PARD3B: variants seen among roughly 807,000 people sequenced by gnomAD.
PARD3B encodes par-3 family cell polarity regulator beta, also known as partitioning defective 3 homolog B.
In PARD3B, 103 loss-of-function variants were observed where a neutral mutation model predicts 130.2. That is an observed-to-expected ratio of 0.79 (90% CI 0.67 to 0.93). The LOEUF (loss-of-function observed/expected upper bound fraction) is 0.93, where lower values mean the gene tolerates loss of function less well. Ranked by LOEUF, PARD3B falls within the 40% of genes least tolerant of loss-of-function variation. PARD3B has a pLI of 0.00. For synonymous variants in PARD3B, 583 were observed against 553.2 expected, an observed-to-expected ratio of 1.05 and a Z score of -0.76; for missense variants, 1,609 against 1,499.2, an observed-to-expected ratio of 1.07 and a Z score of -1.21.
chr2:204,964,055 A>G (rs1450017168), intron 2 of PARD3B, among the ~76,000 whole-genome samples: 1 of 152,248 alleles, frequency 6.6e-6, no homozygotes, highest in Non-Finnish European at 1.5e-5. Context: ...GGGTTCCCCT[A>G]TGACTGGGGC....
chr2:205,063,856 G>C (rs1700201006), intron 4 of PARD3B, among the ~76,000 whole-genome samples: 1 of 152,044 alleles, frequency 6.6e-6, no homozygotes, highest in Non-Finnish European at 1.5e-5. Context: ...AAAGCATGTA[G>C]GTATTCTACC....
chr2:204,882,100 A>G (rs2046076669), intron 2 of PARD3B, among the ~76,000 whole-genome samples: 1 of 152,206 alleles, frequency 6.6e-6, no homozygotes, highest in Non-Finnish European at 1.5e-5. Context: ...GAACTGGAGC[A>G]CAAAGCTATA....
intron 4 of PARD3B, among the ~76,000 whole-genome samples, chr2:205,068,687 C>T (rs1652877561): frequency 6.6e-6 from 1 of 152,072 alleles, no homozygotes; most frequent in Non-Finnish European, 1.5e-5. Flanking sequence ...AATCAAAGTA[C>T]AGCTACTACT....
rs537023988 is a variant in PARD3B, at chr2:205,589,919, C to T, written c.3261-25537C>T. 3.9e-5 allele frequency among the ~76,000 whole-genome samples: 6 copies of T among 152,064 alleles called. No individual in the cohort carries two copies. The highest frequency in any genetic ancestry group is 2.0e-4 in the Admixed American group (3 of 15,274). On this transcript the variant is annotated intron_variant, in intron 22 of 22. Coordinates refer to ENST00000406610, the MANE Select transcript of PARD3B (RefSeq NM_001302769.2). The surrounding 1 kb of genome is among the most constrained non-coding windows in gnomAD (Gnocchi z 4.1). ...GAGTTCTTCTAGGTCTTTTGCTTTT[C>T]ATTTTCTCTACCCTGGAAATGTTGA...
intron 21 of PARD3B, among the ~76,000 whole-genome samples, chr2:205,502,750 A>G (rs2050202830): frequency 6.6e-6 from 1 of 152,220 alleles, no homozygotes. Flanking sequence ...TTCAAAGCCA[A>G]AATAATGAGA....
intron 1 of PARD3B, among the ~76,000 whole-genome samples, chr2:204,551,567 C>T (rs1185420274): frequency 2.6e-5 from 4 of 152,118 alleles, no homozygotes; most frequent in Admixed American, 2.0e-4. Context: ...CTTTCTCTCC[C>T]TCTCACACAC....
chr2:204,921,061 A>T (rs575377532), intron 2 of PARD3B, among the ~76,000 whole-genome samples: 2 of 152,322 alleles, frequency 1.3e-5, no homozygotes, highest in East Asian at 3.9e-4. Context: ...GGTCAGGCAG[A>T]TGTGCAATAG....
intron 1 of PARD3B, among the ~76,000 whole-genome samples, chr2:204,609,481 A>G (rs1378685575): frequency 1.3e-5 from 2 of 152,212 alleles, no homozygotes; most frequent in Non-Finnish European, 2.9e-5. Flanking sequence ...AAGTAAAATA[A>G]TAAATTAATA....
intron 2 of PARD3B, among the ~76,000 whole-genome samples, chr2:204,840,533 C>CTTT (rs200558739): frequency 0.021 from 3,036 of 146,688 alleles, 76 homozygotes; most frequent in East Asian, 0.15. Context: ...TGAATTTGTC[C>CTTT]TTTTTTTTTT....
In PARD3B at chr2:204,935,369, A is replaced by G. The variant is rs999947628; in HGVS notation, c.223-29783A>G. 2.4e-5 allele frequency among the ~76,000 whole-genome samples: 3 copies of G among 123,500 alleles called. No homozygotes were observed. The South Asian group carries it at 7.2e-4, about 30-fold the overall frequency. The allele number at this position is 123,500 out of a possible 152,430, so 81.0% of individuals were successfully genotyped here. A position where few individuals can be genotyped will look rare whatever the true frequency, so the allele number is the denominator to read the frequency against. Reference sequence around the variant, plus strand: ...ACGGTGAAACCCTGTCTCTACTAAAAATACAAAAAAAAAAAAAAAATTAGC... The same window carrying G: ...ACGGTGAAACCCTGTCTCTACTAAAGATACAAAAAAAAAAAAAAAATTAGC... On this transcript the variant is annotated intron_variant, in intron 2 of 22. Coordinates refer to ENST00000406610, the MANE Select transcript of PARD3B (RefSeq NM_001302769.2).
Position 204,610,340 on chromosome 2 carries a change from C to T in PARD3B, c.120+64221C>T, listed in dbSNP as rs139720808. On this transcript the variant is annotated intron_variant, in intron 1 of 22. Transcript: ENST00000406610. The surrounding 1 kb of genome is among the most constrained non-coding windows in gnomAD (Gnocchi z 4.1). Reference sequence around the variant, plus strand: ...TACAATGATTTGTTAAGTAGTCTATCGGCATTATTCTGACTTATTGTTCCC... The same window carrying T: ...TACAATGATTTGTTAAGTAGTCTATTGGCATTATTCTGACTTATTGTTCCC... 1.2e-4 allele frequency among the ~76,000 whole-genome samples: 19 copies of T among 152,266 alleles called. No individual in the cohort carries two copies. The highest frequency in any genetic ancestry group is 3.6e-4 in the African/African-American group (15 of 41,558).
chr2:205,567,749 C>T (rs963489474), intron 22 of PARD3B, among the ~76,000 whole-genome samples: 8 of 151,710 alleles, frequency 5.3e-5, no homozygotes, highest in Non-Finnish European at 7.4e-5. Context: ...TCCCCACCCC[C>T]GAGAAGAAGA....
intron 2 of PARD3B, among the ~76,000 whole-genome samples, chr2:204,731,910 T>A (rs1029730533): frequency 6.6e-6 from 1 of 152,070 alleles, no homozygotes; most frequent in Non-Finnish European, 1.5e-5. Context: ...TTACCTGAAC[T>A]CTCTAACACC....
intron 1 of PARD3B, among the ~76,000 whole-genome samples, chr2:204,608,976 G>T (rs1442728407): frequency 6.6e-6 from 1 of 152,110 alleles, no homozygotes; most frequent in Non-Finnish European, 1.5e-5. Context: ...TATAATTATG[G>T]CTATTCAGGT....
intron 15 of PARD3B, among the ~76,000 whole-genome samples, chr2:205,217,894 A>T (rs1029316735): frequency 0.28 from 8,766 of 30,806 alleles, 1,576 homozygotes; most frequent in East Asian, 0.55. Flanking sequence ...ATATATATAT[A>T]TTTTTTTTTT....
chr2:205,167,665 C>G (rs928614519), intron 11 of PARD3B, among the ~76,000 whole-genome samples: 37 of 152,174 alleles, frequency 2.4e-4, no homozygotes, highest in African/African-American at 8.4e-4. Flanking sequence ...AGTAGAAACT[C>G]TTTGTCATTA....
Position 205,146,066 on chromosome 2 carries a change from C to T in PARD3B, c.1435-12656C>T, listed in dbSNP as rs1458075822. On this transcript the variant is annotated intron_variant, in intron 10 of 22. Coordinates refer to ENST00000406610, the MANE Select transcript of PARD3B (RefSeq NM_001302769.2). This position sits in a 1 kb window ranked among gnomAD's most constrained non-coding sequence, Gnocchi z 4.3. ...GATTGACTGTCCATAGCGAAGGGCA[C>T]CTGCACATCAGTCGGTGCCACCCTT... 1.3e-5 allele frequency among the ~76,000 whole-genome samples: 2 copies of T among 152,290 alleles called. No homozygotes were observed. The highest frequency in any genetic ancestry group is 1.9e-4 in the East Asian group (1 of 5,162).
chr2:205,384,019 A>G (rs1289953889), intron 18 of PARD3B, among the ~76,000 whole-genome samples: 1 of 151,940 alleles, frequency 6.6e-6, no homozygotes, highest in Non-Finnish European at 1.5e-5. Context: ...ACTGACTTGA[A>G]ACTATGTTTT....
chr2:205,444,387 A>G (rs1022397721), intron 20 of PARD3B, among the ~76,000 whole-genome samples: 1 of 152,134 alleles, frequency 6.6e-6, no homozygotes, highest in African/African-American at 2.4e-5. Flanking sequence ...CCAGGAGTCC[A>G]AGGCTGTAGT....
Sources: gnomAD v4.1 joint callset for allele counts (sites outside exome capture counted in the v4.1 genomes callset) on GRCh38, gnomAD v4.1.1 for gene constraint, Gnocchi (gnomAD v3.1) non-coding constraint, MANE v1.5 for transcripts, NCBI Gene and HGNC (gene_info 2026-07-23, HGNC 2026-07-21) for gene names.